Variants in INO80 observed in about 807,000 individuals in gnomAD.
The protein encoded by INO80 is chromatin-remodeling ATPase INO80.
Under a neutral mutation model 203.4 loss-of-function variants are expected in INO80, and 20 were observed. That is an observed-to-expected ratio of 0.10 (90% confidence interval 0.07 to 0.14). The LOEUF (loss-of-function observed/expected upper bound fraction) is 0.14, where lower values mean the gene tolerates loss of function less well. Among genes scored for constraint, INO80 ranks in the 10% least tolerant of loss-of-function variants. The probability of loss-of-function intolerance (pLI) is 1.00; values close to 1 mark genes in which losing one functional copy is unlikely to be tolerated. For missense variants in INO80, 1,419 were observed against 1,914.4 expected (o/e 0.74, Z 4.83); for synonymous variants, 726 against 685.2 (o/e 1.06, Z -0.93).
At chr15:41,102,380 ATAT>A (rs912698879) in intron 1 of INO80, among the ~76,000 whole-genome samples, 4 of 152,226 alleles carry the variant, frequency 2.6e-5, no homozygotes, top group Admixed American at 2.6e-4. Context: ...TAAAAAGGGC[ATAT>A]TAGGCCAGGC....
At chr15:41,054,648 T>G (rs2044950050) in intron 18 of INO80, among the ~76,000 whole-genome samples, 2 of 152,128 alleles carry the variant, frequency 1.3e-5, no homozygotes, top group Admixed American at 6.5e-5. Context: ...TAAATATGAA[T>G]TTTCTTTTGA....
At position 41,087,657 on chromosome 15, in the gene INO80, G is replaced by A. The variant is rs1250495332; in HGVS notation, c.563C>T (p.Ala188Val). The A allele has an allele frequency of 3.1e-6, 5 of 1,613,594 alleles. No individual in the cohort carries two copies. Among genetic ancestry groups the A allele is most frequent in the East Asian group, 4.5e-5 (2 of 44,882 alleles). The change falls in exon 6 of 36, where the codon GCA (alanine) becomes GTA (valine). Residue 188 changes from alanine to valine, a missense_variant. This residue lies in a region of INO80 where 323 missense variants were observed against 325.4 expected (regional missense o/e 0.99). Transcript: ENST00000648947. The part of the protein sequence containing the change: ...KELQQYQYYS[A>V]GLLSTYDPFY... ...AGGGTCATATGTGGAGAGCAGGCCT[G>A]CACTGTAGTACTGATATTGCTGCAA...
At chr15:41,058,905 T>C (rs550972493) in intron 15 of INO80, 124 bp from the exon 16 acceptor site, 48 of 843,464 alleles carry the variant, frequency 5.7e-5, no homozygotes, top group Non-Finnish European at 7.9e-5. Context: ...GCTTCTCCCA[T>C]ATGGTAGGGA....
intron 1 of INO80, among the ~76,000 whole-genome samples, chr15:41,097,991 T>A (rs1368848675): frequency 1.3e-5 from 2 of 152,048 alleles, no homozygotes; most frequent in Non-Finnish European, 2.9e-5. Context: ...AATGAAATGA[T>A]AAGTTTTTTT....
intron 15 of INO80, among the ~76,000 whole-genome samples, chr15:41,059,150 T>TG (rs1389164166): frequency 1.3e-5 from 2 of 150,386 alleles, no homozygotes; most frequent in South Asian, 2.1e-4. Flanking sequence ...TATGTAGAGA[T>TG]GGGGTCTCAC....
intron 35 of INO80, 118 bp from the exon 36 acceptor site, chr15:40,980,558 T>TGCCACTC (rs1893789593): frequency 2.9e-6 from 2 of 681,422 alleles, no homozygotes; most frequent in Non-Finnish European, 5.2e-6. Flanking sequence ...AATTCCTCCC[T>TGCCACTC]GCCACTCCTT....
At chr15:41,051,591 G>A (rs564001886) in intron 19 of INO80, among the ~76,000 whole-genome samples, 3 of 151,366 alleles carry the variant, frequency 2.0e-5, no homozygotes, top group Admixed American at 6.6e-5. Context: ...CAGGAGAATC[G>A]CTTGAGCCCA....
At position 41,068,072 on chromosome 15, in the gene INO80, T is replaced by C. The variant is rs192582832; in HGVS notation, c.1782+1498A>G. Among the ~76,000 whole-genome samples, 409 of 152,334 alleles carry C rather than the reference T, an allele frequency of 2.7e-3. 3 individuals are homozygous for C. The highest frequency in any genetic ancestry group is 0.013 in the South Asian group (61 of 4,828). On this transcript the variant is annotated intron_variant, in intron 14 of 35. Coordinates refer to ENST00000648947, the MANE Select transcript of INO80 (RefSeq NM_017553.3). ...ATTAATTAAATCGATGTTCACATTA[T>C]CTACCTTAGACATTATAAGCTGGAC...
intron 1 of INO80, among the ~76,000 whole-genome samples, chr15:41,100,878 G>A (rs1409547647): frequency 6.6e-6 from 1 of 150,432 alleles, no homozygotes; most frequent in Non-Finnish European, 1.5e-5. Context: ...GCCCAGGCTG[G>A]AGCACAATGG....
intron 27 of INO80, among the ~76,000 whole-genome samples, chr15:41,007,182 C>CTTTTTTTTTTTTTTTT (rs11330780): frequency 1.7e-5 from 2 of 119,308 alleles, no homozygotes; most frequent in Non-Finnish European, 1.7e-5. Flanking sequence ...TTTTTTTTTT[C>CTTTTTTTTTTTTTTTT]TTTTTTTTTT....
At chr15:41,079,552 T>C (rs1007871072) in intron 9 of INO80, 149 bp downstream of exon 9, 26 of 736,052 alleles carry the variant, frequency 3.5e-5, no homozygotes, top group African/African-American at 5.5e-5. Flanking sequence ...GCCTGGGCAA[T>C]GTGGAGAAAC....
chr15:41,020,676 G>A (rs1263908610), intron 26 of INO80, among the ~76,000 whole-genome samples: 2 of 149,098 alleles, frequency 1.3e-5, no homozygotes, highest in Non-Finnish European at 3.0e-5. Flanking sequence ...TTTCTCAGCT[G>A]TAAGCATGTC....
chr15:41,041,868 T>C (rs2044674002), intron 24 of INO80, among the ~76,000 whole-genome samples: 1 of 143,182 alleles, frequency 7.0e-6, no homozygotes, highest in African/African-American at 2.6e-5. Context: ...AGGGTCTCGC[T>C]CTGTCACTGA....
At chr15:41,115,402 A>G (rs766076356) in intron 1 of INO80, among the ~76,000 whole-genome samples, 1 of 152,230 alleles carries the variant, frequency 6.6e-6, no homozygotes, top group Non-Finnish European at 1.5e-5. Flanking sequence ...CTAAAAAACC[A>G]GAAGAGGTGT....
intron 4 of INO80, among the ~76,000 whole-genome samples, chr15:41,094,005 G>A (rs1306477377): frequency 6.6e-6 from 1 of 152,076 alleles, no homozygotes; most frequent in South Asian, 2.1e-4. Context: ...TTTTACACAT[G>A]AGCCTTTTGA....
At chr15:41,052,674 CAAAAAAAA>C (rs60685375) in intron 19 of INO80, among the ~76,000 whole-genome samples, 53 of 107,228 alleles carry the variant, frequency 4.9e-4, no homozygotes, top group African/African-American at 1.1e-3. Flanking sequence ...CCTTGTCTTA[CAAAAAAAA>C]AAAAAAAAAA....
chr15:41,104,828 C>A (rs941855140), intron 1 of INO80, among the ~76,000 whole-genome samples: 2 of 152,148 alleles, frequency 1.3e-5, no homozygotes, highest in African/African-American at 4.8e-5. Context: ...GTGTGAGCCA[C>A]CACACCCGGC....
At chr15:40,999,549 T>G (rs1341840324) in intron 28 of INO80, 1 of 152,240 alleles carries the variant, frequency 6.6e-6, no homozygotes, top group African/African-American at 2.4e-5. Flanking sequence ...AGTTAGTGAT[T>G]CCAAATGCTT....
chr15:41,084,446 G>A (rs1186327233), intron 7 of INO80, among the ~76,000 whole-genome samples: 1 of 152,014 alleles, frequency 6.6e-6, no homozygotes, highest in East Asian at 1.9e-4. Flanking sequence ...GTAGCCCCAG[G>A]TACTTGGAAG....
Sources: allele counts gnomAD v4.1 joint callset (sites outside exome capture counted in the v4.1 genomes callset), GRCh38; gene constraint gnomAD v4.1.1; regional missense constraint gnomAD v4.1.1; transcripts MANE v1.5; gene names NCBI Gene and HGNC (gene_info 2026-07-23, HGNC 2026-07-21).